The following TRAF3 variants were observed in gnomAD, a reference collection of about 807,000 sequenced individuals.
TRAF3 encodes TNF receptor associated factor 3.
TRAF3 carries 13 observed loss-of-function variants against 62.3 expected under a neutral mutation model. That is an observed-to-expected ratio of 0.21 (90% CI 0.14 to 0.33). TRAF3 has a LOEUF of 0.33. Ranked by LOEUF, TRAF3 falls within the 10% of genes least tolerant of loss-of-function variation. The pLI is 1.00. For missense variants in TRAF3, 440 were observed against 741.8 expected (o/e 0.59, Z 4.73); for synonymous variants, 269 against 283.4 (o/e 0.95, Z 0.51).
At chr14:102,874,511 G>C (rs897340059) in intron 4 of TRAF3, among the ~76,000 whole-genome samples, 2 of 151,940 alleles carry the variant, frequency 1.3e-5, no homozygotes, top group Admixed American at 1.3e-4. Flanking sequence ...CACCCACCTC[G>C]GCCTCCCAAA....
chr14:102,808,226 C>T (rs1898892748), intron 1 of TRAF3, among the ~76,000 whole-genome samples: 1 of 152,112 alleles, frequency 6.6e-6, no homozygotes, highest in Admixed American at 6.6e-5. Flanking sequence ...AAGAAGAACA[C>T]ACTAGGCCAG....
At chr14:102,805,439 G>A (rs1458953094) in intron 1 of TRAF3, among the ~76,000 whole-genome samples, 1 of 152,194 alleles carries the variant, frequency 6.6e-6, no homozygotes, top group Non-Finnish European at 1.5e-5. Flanking sequence ...ATATCCAGAT[G>A]AGACCCTCAC....
At chr14:102,819,784 G>A (rs1305939732) in intron 1 of TRAF3, among the ~76,000 whole-genome samples, 1 of 152,232 alleles carries the variant, frequency 6.6e-6, no homozygotes, top group Non-Finnish European at 1.5e-5. Flanking sequence ...AGCACATTAA[G>A]ATTTTTGCAG....
In TRAF3 at chr14:102,865,497, ATT is replaced by A. The variant is rs558222101; in HGVS notation, c.-17-4669_-17-4668del. Among the ~76,000 whole-genome samples, 382 of 133,652 alleles carry A rather than the reference ATT, an allele frequency of 2.9e-3. 2 individuals are homozygous for A. The highest frequency in any genetic ancestry group is 0.01 in the African/African-American group (363 of 35,486). The allele number at this position is 133,652 out of a possible 152,430, so 87.7% of individuals were successfully genotyped here. On this transcript the variant is annotated intron_variant, in intron 2 of 11. Transcript: ENST00000392745. Reference sequence around the variant, plus strand: ...CAGCATCACTCATAAGTTAATCTGAATTTTTTTTTTTTTTTTTTTTGAGATGG... The same window carrying A: ...CAGCATCACTCATAAGTTAATCTGAATTTTTTTTTTTTTTTTTTGAGATGG...
chr14:102,902,200 G>T (rs559058325), intron 10 of TRAF3, among the ~76,000 whole-genome samples: 1 of 152,240 alleles, frequency 6.6e-6, no homozygotes, highest in Non-Finnish European at 1.5e-5. Flanking sequence ...TCGTGTGTTC[G>T]TGGCAGGGTT....
chr14:102,823,721 G>A (rs532867177), intron 1 of TRAF3, among the ~76,000 whole-genome samples: 1 of 152,166 alleles, frequency 6.6e-6, no homozygotes, highest in Admixed American at 6.5e-5. Context: ...GATTGTGTCC[G>A]CTTTTAAAAA....
chr14:102,824,818 A>G (rs1041878169), intron 1 of TRAF3, among the ~76,000 whole-genome samples: 12 of 152,352 alleles, frequency 7.9e-5, no homozygotes, highest in African/African-American at 2.9e-4. Flanking sequence ...CTCTCATCAT[A>G]TATCTAAGCT....
intron 2 of TRAF3, among the ~76,000 whole-genome samples, chr14:102,868,336 C>T (rs1272093056): frequency 3.3e-5 from 5 of 152,130 alleles, no homozygotes; most frequent in Non-Finnish European, 7.4e-5. Flanking sequence ...CAGCGGTGTT[C>T]CCTGAGGCTC....
At chr14:102,802,015 CAAAA>C (rs1159987063) in intron 1 of TRAF3, among the ~76,000 whole-genome samples, 1 of 109,250 alleles carries the variant, frequency 9.2e-6, no homozygotes. Context: ...GACTCCATCT[CAAAA>C]AAAAAAAAAA....
intron 10 of TRAF3, among the ~76,000 whole-genome samples, chr14:102,901,885 C>T (rs919630983): frequency 2.0e-5 from 3 of 152,244 alleles, no homozygotes; most frequent in Admixed American, 6.5e-5. Flanking sequence ...CTCGAGCACC[C>T]GGTGTGGCCC....
At chr14:102,829,365 G>A (rs1460526742) in intron 1 of TRAF3, among the ~76,000 whole-genome samples, 1 of 152,244 alleles carries the variant, frequency 6.6e-6, no homozygotes, top group Admixed American at 6.5e-5. Context: ...TTGTTTACCA[G>A]AGTAGTCCAT....
At chr14:102,809,367 T>A (rs1898979737) in intron 1 of TRAF3, among the ~76,000 whole-genome samples, 1 of 151,956 alleles carries the variant, frequency 6.6e-6, no homozygotes, top group African/African-American at 2.4e-5. Context: ...TCACCTCAGG[T>A]GATCTGCCTG....
intron 2 of TRAF3, among the ~76,000 whole-genome samples, chr14:102,846,666 A>AAAAAAAAG (rs1491218186): frequency 1.4e-5 from 2 of 147,804 alleles, no homozygotes; most frequent in Admixed American, 6.8e-5. Flanking sequence ...AAAAAAAAAA[A>AAAAAAAAG]TTTTCCGGAC....
Position 102,870,380 on chromosome 14 carries a change from T to C in TRAF3, c.179T>C (p.Leu60Pro). The C allele has an allele frequency of 1.2e-6, 2 of 1,614,190 alleles. No homozygotes were observed. The highest frequency in any genetic ancestry group is 1.7e-6 in the Non-Finnish European group (2 of 1,180,018). The part of the protein sequence containing the change: ...KYKCEKCHLV[L>P]CSPKQTECGH... ...AAGTGTGAGAAGTGCCACCTGGTGC[T>C]GTGCAGCCCGAAGCAGACCGAGTGT... Residue 60 changes from leucine (L) to proline (P), a missense_variant, in exon 3 of 12, where the codon CTG becomes CCG. Physicochemically the swap from Leu to Pro is moderately conservative, Grantham distance 98. Coordinates refer to ENST00000392745, the MANE Select transcript of TRAF3 (RefSeq NM_145725.3).
intron 2 of TRAF3, among the ~76,000 whole-genome samples, chr14:102,836,287 C>G (rs973018008): frequency 3.3e-5 from 5 of 152,208 alleles, no homozygotes; most frequent in African/African-American, 1.2e-4. Flanking sequence ...TGCCACTGCT[C>G]TAACCTACAT....
At chr14:102,840,548 A>T (rs957615678) in intron 2 of TRAF3, among the ~76,000 whole-genome samples, 6 of 152,206 alleles carry the variant, frequency 3.9e-5, no homozygotes, top group Non-Finnish European at 8.8e-5. Context: ...CAAATTTGAA[A>T]GACAGGATCA....
intron 1 of TRAF3, among the ~76,000 whole-genome samples, chr14:102,812,291 T>C (rs1899234089): frequency 6.6e-6 from 1 of 152,162 alleles, no homozygotes; most frequent in Non-Finnish European, 1.5e-5. Flanking sequence ...TCACTTAATA[T>C]AGTGTCCTCC....
At position 102,891,787 on chromosome 14, in the gene TRAF3, G is replaced by A. The variant is rs575572589; in HGVS notation, c.819+370G>A. Among the ~76,000 whole-genome samples the A allele has an allele frequency of 2.0e-4, 30 of 152,060 alleles. 1 individual carries two copies. In the South Asian group the frequency reaches 6.0e-3, roughly 31 times the overall value. ...GTGTTGTCTGTGGCTTCTTTTGCTCGAAAGCAGCAGAGTTAAGAGACATGT... is the reference window on the plus strand; with the variant it reads ...GTGTTGTCTGTGGCTTCTTTTGCTCAAAAGCAGCAGAGTTAAGAGACATGT... On this transcript the variant is annotated intron_variant, in intron 9 of 11. Coordinates refer to ENST00000392745, the MANE Select transcript of TRAF3 (RefSeq NM_145725.3).
intron 2 of TRAF3, among the ~76,000 whole-genome samples, chr14:102,839,700 GTTTGTA>G (rs1886261797): frequency 6.6e-6 from 1 of 152,156 alleles, no homozygotes; most frequent in Non-Finnish European, 1.5e-5. Context: ...ATCTTTGTGT[GTTTGTA>G]TTTATTTAGT....
Sources: allele counts gnomAD v4.1 joint callset (sites outside exome capture counted in the v4.1 genomes callset), GRCh38; gene constraint gnomAD v4.1.1; transcripts MANE v1.5; gene names NCBI Gene and HGNC (gene_info 2026-07-23, HGNC 2026-07-21).